KHDRBS2: variants seen among roughly 807,000 people sequenced by gnomAD.
KHDRBS2 encodes the protein KH RNA binding domain containing, signal transduction associated 2.
In KHDRBS2, 26 loss-of-function variants were observed where a neutral mutation model predicts 44.3. That is an observed-to-expected ratio of 0.59 (90% CI 0.43 to 0.81). KHDRBS2 has a LOEUF of 0.81. KHDRBS2 is among the 40% of genes least tolerant of loss of function. The probability of loss-of-function intolerance (pLI) is 0.00; values close to 1 mark genes in which losing one functional copy is unlikely to be tolerated. For synonymous variants in KHDRBS2, 194 were observed against 151.1 expected (o/e 1.28, Z -2.08); for missense variants, 476 against 433.1 (o/e 1.10, Z -0.88).
intron 3 of KHDRBS2, among the ~76,000 whole-genome samples, chr6:62,031,330 T>C (rs1348102147): frequency 6.6e-6 from 1 of 152,086 alleles, no homozygotes; most frequent in South Asian, 2.1e-4. Context: ...ACATTCCCAG[T>C]TGTGGCAGCT....
In KHDRBS2 at chr6:62,177,181, G is replaced by A; in HGVS notation, c.219+4C>T. On this transcript the variant is annotated splice_donor_region_variant and intron_variant, in intron 2 of 8. Coordinates refer to ENST00000281156, the MANE Select transcript of KHDRBS2 (RefSeq NM_152688.4). Reference sequence around the variant, plus strand: ...ATATGAGAACAAAGTATATATGGTAGTACCTTTGGATACTGCTTGACAGGA... The same window carrying A: ...ATATGAGAACAAAGTATATATGGTAATACCTTTGGATACTGCTTGACAGGA... The A allele has an allele frequency of 6.5e-7, 1 of 1,541,492 alleles. No individual in the cohort carries two copies. The highest frequency in any genetic ancestry group is 8.9e-7 in the Non-Finnish European group (1 of 1,121,594).
At chr6:62,262,562 G>T (rs1375684593) in intron 1 of KHDRBS2, among the ~76,000 whole-genome samples, 1 of 151,658 alleles carries the variant, frequency 6.6e-6, no homozygotes, top group East Asian at 1.9e-4. Context: ...GATTTCTCAA[G>T]AATTTGAAAT....
intron 6 of KHDRBS2, chr6:61,814,136 T>C: frequency 2.3e-6 from 1 of 444,348 alleles, no homozygotes; most frequent in South Asian, 1.6e-5. Flanking sequence ...TATGATTCTT[T>C]GAATCCTGTA....
At chr6:61,580,212 A>C in the KHDRBS2 span, among the ~76,000 whole-genome samples, 1 of 152,196 alleles carries the variant, frequency 6.6e-6, no homozygotes, top group African/African-American at 2.4e-5. Flanking sequence ...CCCAGCCACC[A>C]GTAAAAGTAA....
intron 2 of KHDRBS2, among the ~76,000 whole-genome samples, chr6:62,134,861 A>G (rs941460525): frequency 1.8e-4 from 27 of 152,166 alleles, no homozygotes; most frequent in African/African-American, 6.3e-4. Context: ...AAATGGGTAT[A>G]TTTATACAAC....
intron 6 of KHDRBS2, among the ~76,000 whole-genome samples, chr6:61,853,090 C>A (rs1433271387): frequency 6.6e-6 from 1 of 152,138 alleles, no homozygotes; most frequent in Non-Finnish European, 1.5e-5. Flanking sequence ...AACACAGATT[C>A]TTTTGTCTTT....
At chr6:62,087,365 G>A (rs575528026) in intron 2 of KHDRBS2, among the ~76,000 whole-genome samples, 2 of 151,758 alleles carry the variant, frequency 1.3e-5, no homozygotes, top group South Asian at 4.2e-4. Flanking sequence ...TAAAAAATTA[G>A]ATTTTAAAAC....
rs544854500 is a variant in KHDRBS2, at chr6:61,920,487, T to C, written c.484-19116A>G. On this transcript the variant is annotated intron_variant, in intron 4 of 8. Coordinates refer to ENST00000281156, the MANE Select transcript of KHDRBS2 (RefSeq NM_152688.4). ...TATTTGAAACAATAAGGTAAGTCTG[T>C]TACATCTACCTTACCTTATTTCTTT... 7.7e-4 allele frequency among the ~76,000 whole-genome samples: 117 copies of C among 152,116 alleles called. No individual in the cohort carries two copies. In the South Asian group the frequency reaches 0.013, roughly 17 times the overall value.
intron 6 of KHDRBS2, among the ~76,000 whole-genome samples, chr6:61,830,936 GA>G (rs1181653812): frequency 6.6e-6 from 1 of 152,010 alleles, no homozygotes; most frequent in Non-Finnish European, 1.5e-5. Context: ...ATCATTAGGG[GA>G]AAAATGTTCC....
At chr6:62,207,709 A>T (rs1299049303) in intron 1 of KHDRBS2, among the ~76,000 whole-genome samples, 1 of 152,196 alleles carries the variant, frequency 6.6e-6, no homozygotes, top group Non-Finnish European at 1.5e-5. Context: ...ATATGGCTAA[A>T]CCTAATGTCA....
At chr6:61,926,443 A>G (rs1401419250) in intron 4 of KHDRBS2, among the ~76,000 whole-genome samples, 1 of 152,206 alleles carries the variant, frequency 6.6e-6, no homozygotes, top group Non-Finnish European at 1.5e-5. Context: ...GAAAAGGAGT[A>G]GAATTGTCTC....
intron 7 of KHDRBS2, among the ~76,000 whole-genome samples, chr6:61,706,020 G>C (rs778557139): frequency 1.1e-4 from 17 of 151,956 alleles, no homozygotes; most frequent in Non-Finnish European, 1.9e-4. Context: ...CCCAGTGCCT[G>C]ACACATAGTA....
At chr6:61,681,531 A>T (rs1346216390) in intron 8 of KHDRBS2, among the ~76,000 whole-genome samples, 1 of 151,888 alleles carries the variant, frequency 6.6e-6, no homozygotes, top group African/African-American at 2.4e-5. Context: ...CCCAGATGAT[A>T]GTTATATGGT....
At chr6:62,135,812 C>A (rs1379378037) in intron 2 of KHDRBS2, among the ~76,000 whole-genome samples, 1 of 151,418 alleles carries the variant, frequency 6.6e-6, no homozygotes. Context: ...TAAAGTAAGC[C>A]AGACAAAGGA....
chr6:62,213,323 G>A (rs987609211), intron 1 of KHDRBS2, among the ~76,000 whole-genome samples: 1 of 152,020 alleles, frequency 6.6e-6, no homozygotes, highest in African/African-American at 2.4e-5. Context: ...CCGAGATTGA[G>A]GTTGCAGTTG....
At chr6:61,648,536 C>T in the KHDRBS2 span, among the ~76,000 whole-genome samples, 2 of 152,088 alleles carry the variant, frequency 1.3e-5, no homozygotes, top group African/African-American at 2.4e-5. Context: ...AGGTGCTGTG[C>T]TAGATTCCTC....
intron 1 of KHDRBS2, among the ~76,000 whole-genome samples, chr6:62,232,455 G>C (rs1283159472): frequency 1.3e-5 from 2 of 152,024 alleles, no homozygotes; most frequent in Non-Finnish European, 2.9e-5. Flanking sequence ...CTCAATTATG[G>C]AATAATTCTA....
chr6:62,008,894 T>C (rs530139689), intron 3 of KHDRBS2, among the ~76,000 whole-genome samples: 1 of 152,320 alleles, frequency 6.6e-6, no homozygotes, highest in African/African-American at 2.4e-5. Context: ...ACTTCTTTTT[T>C]TTGTAAATTG....
chr6:62,127,481 C>G (rs753299831), intron 2 of KHDRBS2, among the ~76,000 whole-genome samples: 23 of 152,042 alleles, frequency 1.5e-4, no homozygotes, highest in Non-Finnish European at 2.8e-4. Flanking sequence ...ATAATCCTTA[C>G]TTTAAAATCT....
Sources: gnomAD v4.1 joint callset for allele counts (sites outside exome capture counted in the v4.1 genomes callset) on GRCh38, gnomAD v4.1.1 for gene constraint, MANE v1.5 for transcripts, NCBI Gene and HGNC (gene_info 2026-07-23, HGNC 2026-07-21) for gene names.